CNTNAP2: variants seen among roughly 807,000 people sequenced by gnomAD.
The protein encoded by CNTNAP2 is contactin-associated protein-like 2.
CNTNAP2 carries 98 observed loss-of-function variants against 155.2 expected under a neutral mutation model. That is an observed-to-expected ratio of 0.63 (90% CI 0.54 to 0.75). The LOEUF is 0.75. Ranked by LOEUF, CNTNAP2 falls within the 30% of genes least tolerant of loss-of-function variation. CNTNAP2 has a pLI of 0.00. For missense variants in CNTNAP2, 1,727 were observed against 1,688.1 expected (o/e 1.02, Z -0.40); for synonymous variants, 651 against 631.2 (o/e 1.03, Z -0.47).
intron 13 of CNTNAP2, among the ~76,000 whole-genome samples, chr7:147,642,082 G>T (rs1795289265): frequency 6.6e-6 from 1 of 151,724 alleles, no homozygotes; most frequent in African/African-American, 2.4e-5. Context: ...ACTGTATGTA[G>T]AAGACCAAGG....
intron 1 of CNTNAP2, among the ~76,000 whole-genome samples, chr7:146,309,844 GGAAGGAAGGAAAGAAA>G (rs1480108818): frequency 2.8e-5 from 4 of 144,628 alleles, no homozygotes; most frequent in Admixed American, 7.1e-5. Context: ...AAGGAAGGAA[GGAAGGAAGGAAAGAAA>G]GAAGGAAGGA....
chr7:148,412,707 G>A (rs185666331), intron 23 of CNTNAP2, among the ~76,000 whole-genome samples: 94 of 152,136 alleles, frequency 6.2e-4, no homozygotes, highest in African/African-American at 1.4e-3. Flanking sequence ...TCATTGCACC[G>A]GGTAGGATTT....
intron 12 of CNTNAP2, among the ~76,000 whole-genome samples, chr7:147,585,879 T>A (rs6464827): frequency 0.69 from 105,514 of 151,976 alleles, 37,271 homozygotes; most frequent in African/African-American, 0.82. Flanking sequence ...ATTTGAAAAG[T>A]TTTATTCTGA....
chr7:147,235,695 A>G (rs1330245260), intron 8 of CNTNAP2, among the ~76,000 whole-genome samples: 7 of 152,168 alleles, frequency 4.6e-5, no homozygotes, highest in African/African-American at 1.7e-4. Context: ...AGCCCCTTCC[A>G]GCAGGTGTCT....
chr7:146,166,844 A>C (rs1203026399), intron 1 of CNTNAP2, among the ~76,000 whole-genome samples: 3 of 152,224 alleles, frequency 2.0e-5, no homozygotes, highest in Non-Finnish European at 2.9e-5. Context: ...ATGCTTGAGC[A>C]CCCAAGGGCT....
chr7:146,191,516 A>G (rs192354514), intron 1 of CNTNAP2, among the ~76,000 whole-genome samples: 15 of 152,250 alleles, frequency 9.9e-5, no homozygotes, highest in African/African-American at 3.6e-4. Context: ...CGGTCTGAGT[A>G]AAATTTGCTA....
intron 13 of CNTNAP2, among the ~76,000 whole-genome samples, chr7:147,744,061 C>T (rs540036761): frequency 5.9e-5 from 9 of 152,234 alleles, no homozygotes; most frequent in South Asian, 2.1e-4. Flanking sequence ...TGAGATAATG[C>T]CCATAAAGAG....
chr7:146,449,458 C>T (rs1160459419), intron 1 of CNTNAP2, among the ~76,000 whole-genome samples: 2 of 152,046 alleles, frequency 1.3e-5, no homozygotes, highest in African/African-American at 4.8e-5. Context: ...GCCATGTATC[C>T]TCAGGTCCCT....
At chr7:147,244,034 G>A (rs1236659728) in intron 8 of CNTNAP2, among the ~76,000 whole-genome samples, 1 of 152,134 alleles carries the variant, frequency 6.6e-6, no homozygotes, top group East Asian at 1.9e-4. Context: ...TTCTGCCTGA[G>A]GTGGAGGTGG....
At chr7:146,722,135 C>T (rs920510269) in intron 1 of CNTNAP2, among the ~76,000 whole-genome samples, 3 of 151,600 alleles carry the variant, frequency 2.0e-5, no homozygotes, top group Non-Finnish European at 2.9e-5. Context: ...GGTGATCCAC[C>T]TACCTTGGCC....
intron 2 of CNTNAP2, among the ~76,000 whole-genome samples, chr7:146,807,731 T>C (rs1016484839): frequency 3.3e-5 from 5 of 152,006 alleles, no homozygotes; most frequent in African/African-American, 1.2e-4. Context: ...TCTCTCCATC[T>C]CTGTATTTTC....
intron 1 of CNTNAP2, among the ~76,000 whole-genome samples, chr7:146,648,314 A>T (rs186309440): frequency 1.3e-5 from 2 of 152,272 alleles, no homozygotes; most frequent in East Asian, 3.9e-4. Flanking sequence ...TATTTTCCCC[A>T]TGGGAAAGAA....
intron 8 of CNTNAP2, among the ~76,000 whole-genome samples, chr7:147,261,720 G>A (rs1804470992): frequency 6.6e-6 from 1 of 152,136 alleles, no homozygotes; most frequent in African/African-American, 2.4e-5. Flanking sequence ...TGATACAAAT[G>A]GTTAGCAGAA....
At chr7:147,500,057 AT>A (rs1241942858) in intron 11 of CNTNAP2, among the ~76,000 whole-genome samples, 1 of 151,500 alleles carries the variant, frequency 6.6e-6, no homozygotes, top group Non-Finnish European at 1.5e-5. Context: ...AAAGAACAGT[AT>A]TTTTTTCCAT....
At chr7:148,198,553 G>A (rs1421021187) in intron 18 of CNTNAP2, among the ~76,000 whole-genome samples, 1 of 152,170 alleles carries the variant, frequency 6.6e-6, no homozygotes, top group Non-Finnish European at 1.5e-5. Flanking sequence ...CTACAGCTAT[G>A]AGGATTGTGA....
At chr7:146,572,765 T>C (rs1222592934) in intron 1 of CNTNAP2, among the ~76,000 whole-genome samples, 1 of 138,738 alleles carries the variant, frequency 7.2e-6, no homozygotes, top group African/African-American at 2.6e-5. Context: ...TGTGTTGAAT[T>C]CCCCAAGATA....
chr7:146,770,314 G>A (rs201701399), intron 1 of CNTNAP2, among the ~76,000 whole-genome samples: 58 of 111,650 alleles, frequency 5.2e-4, no homozygotes, highest in African/African-American at 2.0e-3. Flanking sequence ...ATATGTGTGT[G>A]TATACACACA....
intron 8 of CNTNAP2, among the ~76,000 whole-genome samples, chr7:147,297,733 A>G (rs1336682841): frequency 6.6e-6 from 1 of 152,176 alleles, no homozygotes; most frequent in African/African-American, 2.4e-5. Context: ...TAAAGATAAT[A>G]CCACTTTGTG....
At chr7:146,280,165 A>G (rs968922487) in intron 1 of CNTNAP2, among the ~76,000 whole-genome samples, 2 of 152,110 alleles carry the variant, frequency 1.3e-5, no homozygotes, top group Admixed American at 6.6e-5. Flanking sequence ...TTATCAGAAC[A>G]ATTCTTGTCC....
Sources: gnomAD v4.1 joint callset for allele counts (sites outside exome capture counted in the v4.1 genomes callset) on GRCh38, gnomAD v4.1.1 for gene constraint, MANE v1.5 for transcripts, NCBI Gene and HGNC (gene_info 2026-07-23, HGNC 2026-07-21) for gene names.